TMC3: variants seen among roughly 807,000 people sequenced by gnomAD.
The protein encoded by TMC3 is transmembrane channel-like protein 3.
A neutral mutation model predicts 110.6 loss-of-function variants in TMC3; 98 were observed. The observed-to-expected ratio is 0.89, with a 90% confidence interval of 0.75 to 1.05. The LOEUF (loss-of-function observed/expected upper bound fraction) is 1.05, where lower values mean the gene tolerates loss of function less well. TMC3 is among the 50% of genes least tolerant of loss of function. TMC3 has a pLI of 0.00. For synonymous variants in TMC3, 489 were observed against 513.1 expected, an observed-to-expected ratio of 0.95 and a Z score of 0.63; for missense variants, 1,319 against 1,373.2, an observed-to-expected ratio of 0.96 and a Z score of 0.62.
Position 81,336,668 on chromosome 15 carries a change from A to G in TMC3, c.2161-17T>C, listed in dbSNP as rs150024184. ...TGATCTTGCCTAAAATGCAAATGAT[A>G]TGCATGTTTGTTTTGGCTTTAGCAG... On this transcript the variant is annotated splice_polypyrimidine_tract_variant and intron_variant, in intron 19 of 21. Transcript: ENST00000359440. 3,810 of 1,613,754 alleles carry G rather than the reference A, an allele frequency of 2.4e-3. 10 individuals are homozygous for G. The highest frequency in any genetic ancestry group is 2.9e-3 in the Non-Finnish European group (3,396 of 1,179,712).
chr15:81,360,647 A>G (rs1202319733), intron 4 of TMC3, among the ~76,000 whole-genome samples: 3 of 149,956 alleles, frequency 2.0e-5, no homozygotes, highest in Non-Finnish European at 3.0e-5. Flanking sequence ...GAAGGGCACG[A>G]TCTTAGCTGC....
Position 81,352,731 on chromosome 15 carries a change from T to C in TMC3, c.936-890A>G, listed in dbSNP as rs146493737. Among the ~76,000 whole-genome samples, 1,296 of 152,230 alleles carry C rather than the reference T, an allele frequency of 8.5e-3. 24 individuals carry two copies. The highest frequency in any genetic ancestry group is 0.03 in the African/African-American group (1,229 of 41,540). On this transcript the variant is annotated intron_variant, in intron 9 of 21. Transcript: ENST00000359440. ...CCGAAGACCTTCCAGTGGGACAAGA[T>C]GTGGAGGTGGAAGGCAGTGATATTG... is the stretch of plus-strand genomic sequence containing the variant.
rs775145242 is a variant in TMC3 at position 81,336,659 on chromosome 15, G to A, written c.2161-8C>T. The A allele has an allele frequency of 1.2e-6, 2 of 1,613,814 alleles. No individual in the cohort carries two copies. Among genetic ancestry groups the A allele is most frequent in the Non-Finnish European group, 1.7e-6 (2 of 1,179,782 alleles). On this transcript the variant is annotated splice_region_variant and splice_polypyrimidine_tract_variant and intron_variant, in intron 19 of 21. Coordinates refer to ENST00000359440, the MANE Select transcript of TMC3 (RefSeq NM_001080532.3). The stretch of plus-strand genomic sequence containing the variant: ...CTTATCCTCTGATCTTGCCTAAAAT[G>A]CAAATGATATGCATGTTTGTTTTGG...
intron 11 of TMC3, among the ~76,000 whole-genome samples, chr15:81,348,040 G>A (rs1893862791): frequency 6.6e-6 from 1 of 152,198 alleles, no homozygotes; most frequent in African/African-American, 2.4e-5. Context: ...CCGTACCCTT[G>A]CCTATTTTTG....
intron 20 of TMC3, 134 bp downstream of exon 20, chr15:81,336,475 G>A (rs1893597342): frequency 3.8e-6 from 3 of 781,468 alleles, no homozygotes; most frequent in Non-Finnish European, 6.4e-6. Context: ...GGCTGAGGCA[G>A]GAGAATCACT....
chr15:81,346,937 C>CCTCAGTGCT (rs1893840914), intron 11 of TMC3, among the ~76,000 whole-genome samples: 1 of 152,200 alleles, frequency 6.6e-6, no homozygotes, highest in Non-Finnish European at 1.5e-5. Context: ...AATTTCAGGA[C>CCTCAGTGCT]CTCAGTGCTC....
rs747350857 is a variant in TMC3 at position 81,334,808 on chromosome 15, T to A, written c.2371A>T (p.Met791Leu). ...TCCCCTGGCCTCGGGCTCTGGGGCA[T>A]GGACTGTGCGACTGTCTCTATCCTG... ...SGRIETVAQS[M>L]PQSPRPGDRA... The change falls in exon 21 of 22, where the codon ATG becomes TTG. Residue 791 changes from methionine to leucine, a missense_variant. Physicochemically the swap from Met to Leu is conservative, Grantham distance 15 (BLOSUM62 2). Coordinates refer to ENST00000359440, the MANE Select transcript of TMC3 (RefSeq NM_001080532.3). 3.1e-6 allele frequency: 5 copies of A among 1,613,856 alleles called. No individual in the cohort carries two copies. Among genetic ancestry groups the A allele is most frequent in the African/African-American group, 1.3e-5 (1 of 74,914 alleles).
intron 4 of TMC3, among the ~76,000 whole-genome samples, 197 bp from the exon 5 acceptor site, chr15:81,359,668 T>C (rs1402557072): frequency 2.0e-5 from 3 of 152,206 alleles, no homozygotes; most frequent in Non-Finnish European, 4.4e-5. Context: ...ATCAGTTCTA[T>C]AGGCAGGAAA....
chr15:81,347,379 C>G (rs1893848802), intron 11 of TMC3, among the ~76,000 whole-genome samples: 1 of 152,204 alleles, frequency 6.6e-6, no homozygotes, highest in Non-Finnish European at 1.5e-5. Context: ...GTTGACCACC[C>G]GTGTGCAGGC....
chr15:81,339,609 C>T, intron 16 of TMC3, 105 bp from the exon 17 acceptor site: 1 of 836,724 alleles, frequency 1.2e-6, no homozygotes, highest in Non-Finnish European at 2.0e-6. Flanking sequence ...TGACTCTTTG[C>T]AAACTAAAAA....
Position 81,344,995 on chromosome 15 carries a change from T to A in TMC3, c.1289A>T (p.Asn430Ile). The change falls in exon 13 of 22, where the codon AAT becomes ATT. Residue 430 changes from asparagine (N) to isoleucine (I), a missense_variant. Transcript: ENST00000359440. The part of the protein sequence containing the change: ...SMSIEEMATK[N>I]NTSHWIDSTT... ...GGAATCTATCCAATGACTTGTGTTA[T>A]TTTTGGTAGCCATTTCCTGGGGAGA... is the stretch of plus-strand genomic sequence containing the variant. The A allele has an allele frequency of 3.2e-6, 5 of 1,581,360 alleles. No individual in the cohort carries two copies. The highest frequency in any genetic ancestry group is 4.3e-6 in the Non-Finnish European group (5 of 1,163,004).
intron 21 of TMC3, 107 bp from the exon 22 acceptor site, chr15:81,333,369 G>C: frequency 7.0e-7 from 1 of 1,428,358 alleles, no homozygotes; most frequent in African/African-American, 1.4e-5. Context: ...ACTGAGGCTG[G>C]TTCCAACTGG....
intron 2 of TMC3, among the ~76,000 whole-genome samples, chr15:81,369,622 G>C (rs1204898919): frequency 6.6e-6 from 1 of 152,002 alleles, no homozygotes; most frequent in Non-Finnish European, 1.5e-5. Flanking sequence ...GGAATACAGA[G>C]TTGCCTAAAA....
Position 81,331,714 on chromosome 15 carries a change from T to C in TMC3, c.*705A>G, listed in dbSNP as rs1205604806. ...AAACTGGTGATCGGCAGCTTCCCCA[T>C]AAAATGTCAGGAGTTGGGCGAGTGG... On this transcript the variant is annotated 3_prime_UTR_variant, in exon 22 of 22. Transcript: ENST00000359440. The C allele has an allele frequency of 1.3e-5, 2 of 152,094 alleles. No homozygotes were observed. Among genetic ancestry groups the C allele is most frequent in the South Asian group, 4.1e-4 (2 of 4,822 alleles). The allele number at this position is 152,094 out of a possible 1,614,324, so 9.4% of individuals were successfully genotyped here. A position where few individuals can be genotyped will look rare whatever the true frequency, so the allele number is the denominator to read the frequency against.
chr15:81,349,006 T>C (rs1034254948), intron 11 of TMC3, among the ~76,000 whole-genome samples: 20 of 152,232 alleles, frequency 1.3e-4, no homozygotes, highest in Middle Eastern at 6.8e-3. Context: ...TTTTTTTTTA[T>C]TTTTAGTAGA....
At chr15:81,368,109 AT>A (rs904816793) in intron 3 of TMC3, 143 bp downstream of exon 3, 3 of 561,598 alleles carry the variant, frequency 5.3e-6, no homozygotes, top group Non-Finnish European at 9.5e-6. Flanking sequence ...TAATTTTTGT[AT>A]TTTTAGTAGA....
In TMC3 at chr15:81,336,607, A is replaced by G. The variant is rs1312712070; in HGVS notation, c.2203+2T>C. 1 of 1,613,778 alleles carries G rather than the reference A, an allele frequency of 6.2e-7. No homozygotes were observed. Among genetic ancestry groups the G allele is most frequent in the Admixed American group, 1.7e-5 (1 of 60,014 alleles). On this transcript the variant is annotated splice_donor_variant, in intron 20 of 21. Coordinates refer to ENST00000359440, the MANE Select transcript of TMC3 (RefSeq NM_001080532.3). LOFTEE classifies it high-confidence loss of function. ...ACAACAAAAAGAAACGGAAATACTT[A>G]CCTTCTACCATCTGGGCAACCTTTT...
At chr15:81,373,902 G>A (rs570490943) in intron 1 of TMC3, 87 bp downstream of exon 1, 1 of 1,247,800 alleles carries the variant, frequency 8.0e-7, no homozygotes, top group East Asian at 2.5e-5. Flanking sequence ...AGCAGGACAG[G>A]GACTTTGTCC....
At chr15:81,340,907 T>A (rs1351773630) in intron 16 of TMC3, among the ~76,000 whole-genome samples, 1 of 152,256 alleles carries the variant, frequency 6.6e-6, no homozygotes, top group African/African-American at 2.4e-5. Context: ...AAACACAATG[T>A]TGCGTGTAAG....
Sources: gnomAD v4.1 joint callset for allele counts (sites outside exome capture counted in the v4.1 genomes callset) on GRCh38, gnomAD v4.1.1 for gene constraint, MANE v1.5 for transcripts, NCBI Gene and HGNC (gene_info 2026-07-23, HGNC 2026-07-21) for gene names.